LONRF2: variants seen among roughly 807,000 people sequenced by gnomAD.
LONRF2 encodes LON peptidase N-terminal domain and RING finger protein 2.
In LONRF2, 35 loss-of-function variants were observed where a neutral mutation model predicts 66.6. The observed-to-expected ratio is 0.53, with a 90% CI of 0.40 to 0.70. The LOEUF (loss-of-function observed/expected upper bound fraction) is 0.70. Among genes scored for constraint, LONRF2 ranks in the 30% least tolerant of loss-of-function variants. LONRF2 has a pLI of 0.00. For missense variants in LONRF2, 902 were observed against 1,002.1 expected (o/e 0.90, Z 1.35); for synonymous variants, 417 against 418.1 (o/e 1.00, Z 0.03).
intron 7 of LONRF2, among the ~76,000 whole-genome samples, chr2:100,295,965 T>A (rs1376524256): frequency 6.6e-6 from 1 of 152,206 alleles, no homozygotes; most frequent in Non-Finnish European, 1.5e-5. Flanking sequence ...AGACTTAAAA[T>A]TTTTCATTTA....
intron 2 of LONRF2, among the ~76,000 whole-genome samples, chr2:100,306,398 A>G (rs886567198): frequency 3.3e-5 from 5 of 152,234 alleles, no homozygotes; most frequent in Admixed American, 6.5e-5. Flanking sequence ...ATACATGTGC[A>G]CAGAATCTCA....
intron 7 of LONRF2, 24 bp downstream of exon 7, chr2:100,298,812 C>T (rs760333216): frequency 1.2e-5 from 19 of 1,554,936 alleles, no homozygotes; most frequent in African/African-American, 1.2e-4. Flanking sequence ...GGAGCTGTCC[C>T]GTCATTTCCT....
At position 100,300,755 on chromosome 2, in the gene LONRF2, T is replaced by C. The variant is rs750629783; in HGVS notation, c.954A>G (p.Ala318=). The C allele has an allele frequency of 6.2e-6, 10 of 1,612,310 alleles. No individual in the cohort carries two copies. The highest frequency in any genetic ancestry group is 7.6e-6 in the Non-Finnish European group (9 of 1,179,444). ...AAGATGTTAAATTTTCATGCACATT[T>C]GCTGTAGCTGAAAACAGCACTTCAC... The part of the protein sequence containing the change: ...VMCEVLFSAT[A]NVHENLTSSI... Residue 318 remains alanine (A), a synonymous_variant, in exon 4 of 12, where the codon GCA becomes GCG. Coordinates refer to ENST00000393437, the MANE Select transcript of LONRF2 (RefSeq NM_198461.4).
In LONRF2 at chr2:100,290,221, C is replaced by T. The variant is rs181526197; in HGVS notation, c.1920+37G>A. ...ACAATGCAAAGGGAAGCGAGAGGAC[C>T]GACTGCTATAAAATACACCAGTATG... On this transcript the variant is annotated intron_variant, in intron 10 of 11. Transcript: ENST00000393437. 9.1e-5 allele frequency: 142 copies of T among 1,566,644 alleles called. No individual in the cohort carries two copies. The African/African-American group carries it at 1.7e-3, about 18-fold the overall frequency.
In LONRF2 at chr2:100,279,809, T is replaced by A. The variant is rs1674675247; in HGVS notation, c.*4489A>T. 2 of 152,298 alleles carry A rather than the reference T, an allele frequency of 1.3e-5. No individual in the cohort carries two copies. Among genetic ancestry groups the A allele is most frequent in the Admixed American group, 6.5e-5 (1 of 15,296 alleles). The allele number at this position is 152,298 out of a possible 1,614,324, so 9.4% of individuals were successfully genotyped here. A position where few individuals can be genotyped will look rare whatever the true frequency, so the allele number is the denominator to read the frequency against. On this transcript the variant is annotated 3_prime_UTR_variant, in exon 12 of 12. Coordinates refer to ENST00000393437, the MANE Select transcript of LONRF2 (RefSeq NM_198461.4). ...GTATAGCCTAGAGTCTGAGCTGTTA[T>A]TCAGACCAGCCAGTCTTAGCTATTT...
intron 3 of LONRF2, among the ~76,000 whole-genome samples, chr2:100,301,534 A>G (rs1414580025): frequency 6.6e-6 from 1 of 152,258 alleles, no homozygotes; most frequent in African/African-American, 2.4e-5. Flanking sequence ...CAGCAGGGAC[A>G]TCAATGTCCT....
rs1216512477 is a variant in LONRF2, at chr2:100,273,173, C to T, written c.*11125G>A. ...GATGCAGCCGCTGGCCGAGGAAGGC[C>T]GAGGTCGGCCAGCAGCCACACCAGC... On this transcript the variant is annotated 3_prime_UTR_variant, in exon 12 of 12. Transcript: ENST00000393437. 2.0e-5 allele frequency: 3 copies of T among 152,338 alleles called. No homozygotes were observed. Among genetic ancestry groups the T allele is most frequent in the African/African-American group, 7.2e-5 (3 of 41,572 alleles). The allele number at this position is 152,338 out of a possible 1,614,324, so 9.4% of individuals were successfully genotyped here. A position where few individuals can be genotyped will look rare whatever the true frequency, so the allele number is the denominator to read the frequency against.
rs11674945 is a variant in LONRF2 at position 100,276,412 on chromosome 2, G to T, written c.*7886C>A. 6.6e-6 allele frequency: 1 copy of T among 152,130 alleles called. No homozygotes were observed. Among genetic ancestry groups the T allele is most frequent in the Admixed American group, 6.5e-5 (1 of 15,272 alleles). The allele number at this position is 152,130 out of a possible 1,614,324, so 9.4% of individuals were successfully genotyped here. A position where few individuals can be genotyped will look rare whatever the true frequency, so the allele number is the denominator to read the frequency against. On this transcript the variant is annotated 3_prime_UTR_variant, in exon 12 of 12. Transcript: ENST00000393437. The stretch of plus-strand genomic sequence containing the variant: ...ATTTCCTGTGGTCATAGTACCCAAC[G>T]CCCTAATATCCCATATTGAACACAG...
In LONRF2 at chr2:100,290,383, C is replaced by T. The variant is rs143848902; in HGVS notation, c.1795G>A (p.Val599Met). The T allele has an allele frequency of 3.8e-5, 61 of 1,614,042 alleles. No individual in the cohort carries two copies. The highest frequency in any genetic ancestry group is 2.7e-4 in the East Asian group (12 of 44,872). The change falls in exon 10 of 12, where the codon GTG becomes ATG. Residue 599 changes from valine to methionine, a missense_variant. By Grantham distance (21) the Val-to-Met change is conservative (BLOSUM62 1). This residue lies in a region of LONRF2 where 317 missense variants were observed against 432.2 expected (regional missense o/e 0.73). Coordinates refer to ENST00000393437, the MANE Select transcript of LONRF2 (RefSeq NM_198461.4). ...EYGCMLEIKD[V>M]RTFPDGSSVV... ...GAACTTCCATCAGGAAACGTTCTCACGTCCTTAATCTCCAGCATGCATCCA... is the reference window on the plus strand; with the variant it reads ...GAACTTCCATCAGGAAACGTTCTCATGTCCTTAATCTCCAGCATGCATCCA...
chr2:100,308,028 C>T (rs1675331575), intron 2 of LONRF2, among the ~76,000 whole-genome samples: 1 of 152,162 alleles, frequency 6.6e-6, no homozygotes, highest in African/African-American at 2.4e-5. Context: ...GGGCTTATCC[C>T]TAAGTTGAAC....
rs1185144511 is a variant in LONRF2 at position 100,321,942 on chromosome 2, G to A, written c.152C>T (p.Ala51Val). Residue 51 changes from alanine to valine, a missense_variant, in exon 1 of 12, where the codon GCC (alanine) becomes GTC (valine). By Grantham distance (64) the Ala-to-Val change is moderately conservative. Transcript: ENST00000393437. ...GCCGCGGTCCGGCTGCGCCAGCCCG[G>A]CTAGCATGGAGCGAAAGAGCTCGGC... is the stretch of plus-strand genomic sequence containing the variant. ...MAAELFRSML[A>V]GLAQPDRGLC... 1.4e-6 allele frequency: 2 copies of A among 1,439,698 alleles called. No homozygotes were observed. Among genetic ancestry groups the A allele is most frequent in the Non-Finnish European group, 9.1e-7 (1 of 1,094,992 alleles). 89.2% of individuals were successfully genotyped at this position (1,439,698 alleles called of 1,614,324 possible).
intron 1 of LONRF2, among the ~76,000 whole-genome samples, chr2:100,318,072 T>C (rs1675541453): frequency 6.6e-6 from 1 of 152,202 alleles, no homozygotes; most frequent in Non-Finnish European, 1.5e-5. Context: ...TTCCCCTCTC[T>C]CTTCTTCCAG....
intron 9 of LONRF2, among the ~76,000 whole-genome samples, chr2:100,292,678 ATATTC>A (rs1264607460): frequency 2.6e-5 from 4 of 152,078 alleles, no homozygotes; most frequent in African/African-American, 9.7e-5. Context: ...AAATTTTCAT[ATATTC>A]TAATTTACTA....
In LONRF2 at chr2:100,302,987, T is replaced by C; in HGVS notation, c.855A>G (p.Leu285=). The C allele has an allele frequency of 3.7e-6, 6 of 1,612,044 alleles. No individual in the cohort carries two copies. Among genetic ancestry groups the C allele is most frequent in the Non-Finnish European group, 5.1e-6 (6 of 1,178,788 alleles). ...GAGCAAGGCAGTAGAGAAATTCCTT[T>C]AACACTTCCTTACTTCTTCCCAATC... ...LSGLGRSKEV[L]KEFLYCLALN... is the part of the protein sequence containing the mutation. Residue 285 remains leucine (L), a synonymous_variant, in exon 3 of 12, where the codon TTA becomes TTG. Coordinates refer to ENST00000393437, the MANE Select transcript of LONRF2 (RefSeq NM_198461.4).
Position 100,299,305 on chromosome 2 carries a change from T to C in LONRF2, c.1282A>G (p.Arg428Gly). ...TCTTCTGTCTCAGAGTTTGGGCTCC[T>C]TTGAAGTGAGAGATCTGAATGCGAA... ...KIPKKDLSLQRSPNSETEESQ... is the reference protein window; with the variant it reads ...KIPKKDLSLQGSPNSETEESQ... Residue 428 changes from arginine (R) to glycine (G), a missense_variant, in exon 6 of 12, where the codon AGG (arginine) becomes GGG (glycine). By Grantham distance (125) the Arg-to-Gly change is moderately radical. Around this residue, in one of 2 missense-constraint regions of LONRF2, gnomAD observed 585 missense variants for 569.9 expected, o/e 1.03. Transcript: ENST00000393437. 6.3e-7 allele frequency: 1 copy of C among 1,579,330 alleles called. No individual in the cohort carries two copies.
intron 3 of LONRF2, among the ~76,000 whole-genome samples, chr2:100,301,416 G>C (rs1051085044): frequency 6.6e-6 from 1 of 152,202 alleles, no homozygotes; most frequent in African/African-American, 2.4e-5. Flanking sequence ...AAGCAGAAAG[G>C]AGTGACTGAA....
At chr2:100,296,311 A>T (rs1480410491) in intron 7 of LONRF2, among the ~76,000 whole-genome samples, 4 of 152,234 alleles carry the variant, frequency 2.6e-5, no homozygotes, top group Non-Finnish European at 5.9e-5. Flanking sequence ...ATTCTGATGC[A>T]CATCAGGGAC....
chr2:100,306,013 G>A (rs997674349), intron 2 of LONRF2, among the ~76,000 whole-genome samples: 5 of 151,944 alleles, frequency 3.3e-5, no homozygotes, highest in Admixed American at 1.3e-4. Context: ...CTCAGCCTCC[G>A]GAGTAGCTGG....
At chr2:100,296,321 C>T (rs1202237156) in intron 7 of LONRF2, among the ~76,000 whole-genome samples, 1 of 152,146 alleles carries the variant, frequency 6.6e-6, no homozygotes, top group African/African-American at 2.4e-5. Flanking sequence ...ACATCAGGGA[C>T]CACTGCAGGT....
Sources: allele counts gnomAD v4.1 joint callset (sites outside exome capture counted in the v4.1 genomes callset), GRCh38; gene constraint gnomAD v4.1.1; regional missense constraint gnomAD v4.1.1; transcripts MANE v1.5; gene names NCBI Gene and HGNC (gene_info 2026-07-23, HGNC 2026-07-21).